CSMD1: variants seen among roughly 807,000 people sequenced by gnomAD.
CSMD1 encodes CUB and sushi domain-containing protein 1.
A neutral mutation model predicts 417.5 loss-of-function variants in CSMD1; 213 were observed. The observed-to-expected ratio is 0.51, with a 90% confidence interval of 0.46 to 0.57. The LOEUF is 0.57. CSMD1 is among the 20% of genes least tolerant of loss of function. The pLI is 0.00. For missense variants in CSMD1, 6,923 were observed against 4,529.7 expected (o/e 1.53, Z -15.17); for synonymous variants, 2,862 against 1,736.8 (o/e 1.65, Z -16.11).
At position 4,657,456 on chromosome 8, in the gene CSMD1, T is replaced by C. The variant is rs531792922; in HGVS notation, c.86-19898A>G. Among the ~76,000 whole-genome samples, 110 of 152,250 alleles carry C rather than the reference T, an allele frequency of 7.2e-4. 2 individuals carry two copies. The South Asian group carries it at 0.021, about 29-fold the overall frequency. ...TTTCTCACTCACGCACTCTTGGCAT[T>C]CATGGAAATCTCTGTCAAAACGCTG... On this transcript the variant is annotated intron_variant, in intron 1 of 69. Transcript: ENST00000635120.
chr8:3,775,186 G>C (rs950712800), intron 5 of CSMD1, among the ~76,000 whole-genome samples: 2 of 152,134 alleles, frequency 1.3e-5, no homozygotes, highest in Non-Finnish European at 2.9e-5. Flanking sequence ...CCAAACTTAA[G>C]TCCAAAAAAG....
intron 5 of CSMD1, among the ~76,000 whole-genome samples, chr8:3,817,894 G>A (rs944853064): frequency 1.3e-5 from 2 of 152,184 alleles, no homozygotes; most frequent in Non-Finnish European, 1.5e-5. Flanking sequence ...TTCTTGCTAA[G>A]ATGCAGATTC....
At chr8:4,027,530 G>C (rs888401869) in intron 4 of CSMD1, among the ~76,000 whole-genome samples, 6 of 152,010 alleles carry the variant, frequency 3.9e-5, no homozygotes, top group African/African-American at 1.5e-4. Flanking sequence ...TGTACTTCTC[G>C]CTCCTGCTGT....
At chr8:2,972,381 G>C (rs1804536019) in intron 57 of CSMD1, among the ~76,000 whole-genome samples, 1 of 152,130 alleles carries the variant, frequency 6.6e-6, no homozygotes, top group Admixed American at 6.5e-5. Context: ...AACCTTTTTA[G>C]ACTGAAAATT....
At chr8:4,974,303 GGCGCAA>G (rs1216806821) in intron 1 of CSMD1, among the ~76,000 whole-genome samples, 1 of 152,026 alleles carries the variant, frequency 6.6e-6, no homozygotes, top group Non-Finnish European at 1.5e-5. Flanking sequence ...TGGGATTACA[GGCGCAA>G]GATTTTATTT....
intron 7 of CSMD1, among the ~76,000 whole-genome samples, chr8:3,686,099 AG>A (rs1482271184): frequency 1.4e-4 from 2 of 13,902 alleles, no homozygotes; most frequent in Non-Finnish European, 2.7e-4. Flanking sequence ...CAGAAGGGTC[AG>A]TTTTCTATGT....
chr8:4,308,984 T>G (rs1047920743), intron 3 of CSMD1, among the ~76,000 whole-genome samples: 4 of 152,216 alleles, frequency 2.6e-5, no homozygotes, highest in Non-Finnish European at 5.9e-5. Context: ...AATGTTGAAC[T>G]AATTCCTAAA....
intron 54 of CSMD1, among the ~76,000 whole-genome samples, chr8:2,986,081 G>A (rs1393646173): frequency 1.4e-5 from 2 of 144,584 alleles, no homozygotes; most frequent in African/African-American, 5.6e-5. Context: ...GGGAGGGAGG[G>A]ACTGATAACC....
At chr8:4,313,255 T>C (rs886333163) in intron 3 of CSMD1, among the ~76,000 whole-genome samples, 2 of 152,064 alleles carry the variant, frequency 1.3e-5, no homozygotes, top group African/African-American at 4.8e-5. Flanking sequence ...AAATTTTCAG[T>C]CACTTTCCTC....
At chr8:4,092,079 C>T (rs546726741) in intron 3 of CSMD1, among the ~76,000 whole-genome samples, 2 of 152,202 alleles carry the variant, frequency 1.3e-5, no homozygotes, top group East Asian at 3.9e-4. Flanking sequence ...TACTTAGAAG[C>T]TTAAGAGGGA....
intron 5 of CSMD1, among the ~76,000 whole-genome samples, chr8:3,964,855 C>T (rs1468006046): frequency 6.6e-6 from 1 of 152,158 alleles, no homozygotes; most frequent in East Asian, 1.9e-4. Flanking sequence ...GGGGTTTCCA[C>T]TTTTGAAAAA....
At chr8:4,420,213 T>A (rs1247475569) in intron 2 of CSMD1, 148 bp from the exon 3 acceptor site, 2 of 507,038 alleles carry the variant, frequency 3.9e-6, no homozygotes, top group African/African-American at 1.9e-5. Flanking sequence ...ACACATAGCT[T>A]TGGTTGTTAA....
intron 10 of CSMD1, among the ~76,000 whole-genome samples, chr8:3,534,506 C>G (rs915627783): frequency 4.5e-5 from 6 of 134,492 alleles, no homozygotes; most frequent in African/African-American, 1.7e-4. Flanking sequence ...ATATTTTTGG[C>G]TTTCTCAATT....
At chr8:4,714,936 C>G (rs1387265480) in intron 1 of CSMD1, among the ~76,000 whole-genome samples, 1 of 152,154 alleles carries the variant, frequency 6.6e-6, no homozygotes, top group East Asian at 1.9e-4. Context: ...TGGAAGGTGT[C>G]TAGAGAATTC....
rs576472581 is a variant in CSMD1 at position 3,675,372 on chromosome 8, C to A, written c.1009+33042G>T. On this transcript the variant is annotated intron_variant, in intron 7 of 69. Coordinates refer to ENST00000635120, the MANE Select transcript of CSMD1 (RefSeq NM_033225.6). ...TGTAGCCTCCATAGTAAGGCCTCAG[C>A]AATGTGGGCTTGGATATGCTATCTT... 2.0e-5 allele frequency among the ~76,000 whole-genome samples: 3 copies of A among 152,282 alleles called. No individual in the cohort carries two copies. The South Asian group carries it at 6.2e-4, about 32-fold the overall frequency.
intron 2 of CSMD1, among the ~76,000 whole-genome samples, chr8:4,466,576 G>A (rs1003199062): frequency 6.6e-6 from 1 of 152,142 alleles, no homozygotes; most frequent in Non-Finnish European, 1.5e-5. Flanking sequence ...AATGCCAACA[G>A]TGTCACAAAG....
At chr8:4,001,288 G>A (rs796079873) in intron 4 of CSMD1, among the ~76,000 whole-genome samples, 1 of 152,120 alleles carries the variant, frequency 6.6e-6, no homozygotes. Flanking sequence ...AGTGTTTACA[G>A]GCAGCCAACA....
At chr8:3,920,703 C>A (rs1809184070) in intron 5 of CSMD1, among the ~76,000 whole-genome samples, 1 of 151,666 alleles carries the variant, frequency 6.6e-6, no homozygotes, top group South Asian at 2.1e-4. Context: ...TAAATTTTGT[C>A]AAATGCTTTT....
intron 36 of CSMD1, among the ~76,000 whole-genome samples, chr8:3,187,365 G>C (rs117642121): frequency 6.6e-6 from 1 of 152,154 alleles, no homozygotes; most frequent in East Asian, 1.9e-4. Context: ...TCGTCAAGGC[G>C]GGTGCATTCG....
Sources: allele counts gnomAD v4.1 joint callset (sites outside exome capture counted in the v4.1 genomes callset), GRCh38; gene constraint gnomAD v4.1.1; transcripts MANE v1.5; gene names NCBI Gene and HGNC (gene_info 2026-07-23, HGNC 2026-07-21).